The following LONP2 variants were observed in gnomAD, a reference collection of about 807,000 sequenced individuals.
LONP2 encodes the protein lon peptidase 2, peroxisomal, also known as lon protease homolog 2, peroxisomal.
LONP2 carries 60 observed loss-of-function variants against 85.6 expected under a neutral mutation model. The observed-to-expected ratio is 0.70, with a 90% CI of 0.57 to 0.87. The LOEUF (loss-of-function observed/expected upper bound fraction) is 0.87, where lower values mean the gene tolerates loss of function less well. Among genes scored for constraint, LONP2 ranks in the 40% least tolerant of loss-of-function variants. The pLI is 0.00. For synonymous variants in LONP2, 395 were observed against 389.7 expected (o/e 1.01, Z -0.16); for missense variants, 860 against 1,063.5 (o/e 0.81, Z 2.66).
chr16:48,258,827 C>T, intron 4 of LONP2, 87 bp downstream of exon 4: 2 of 1,231,402 alleles, frequency 1.6e-6, no homozygotes, highest in Non-Finnish European at 2.2e-6. Flanking sequence ...TTATTGTCTC[C>T]TACCACTCGC....
intron 11 of LONP2, among the ~76,000 whole-genome samples, chr16:48,309,978 G>T: frequency 6.6e-6 from 1 of 150,728 alleles, no homozygotes; most frequent in African/African-American, 2.4e-5. Flanking sequence ...TATTAATCTG[G>T]TACTCCAGTT....
At chr16:48,289,907 A>G (rs1375181990) in intron 8 of LONP2, among the ~76,000 whole-genome samples, 5 of 152,166 alleles carry the variant, frequency 3.3e-5, no homozygotes, top group African/African-American at 1.2e-4. Flanking sequence ...CATATCTTAT[A>G]TATATTACAT....
intron 3 of LONP2, among the ~76,000 whole-genome samples, chr16:48,257,369 A>G (rs1381040957): frequency 6.6e-6 from 1 of 152,108 alleles, no homozygotes; most frequent in Admixed American, 6.5e-5. Flanking sequence ...TTGATTCACT[A>G]TTTTTAAACG....
At position 48,315,425 on chromosome 16, in the gene LONP2, G is replaced by C. The variant is rs74017909; in HGVS notation, c.1795+12120G>C. 5.5e-3 allele frequency among the ~76,000 whole-genome samples: 841 copies of C among 152,318 alleles called. 6 individuals are homozygous for C. The highest frequency in any genetic ancestry group is 0.019 in the African/African-American group (790 of 41,568). Reference sequence around the variant, plus strand: ...GGAGGCTGAAGAGTCCAATGTCAAGGTGCCAGCTTCTGACAGGAACCTTCT... The same window carrying C: ...GGAGGCTGAAGAGTCCAATGTCAAGCTGCCAGCTTCTGACAGGAACCTTCT... On this transcript the variant is annotated intron_variant, in intron 11 of 14. Transcript: ENST00000285737.
chr16:48,280,579 C>CA (rs966276682), intron 8 of LONP2, among the ~76,000 whole-genome samples: 1 of 151,632 alleles, frequency 6.6e-6, no homozygotes, highest in African/African-American at 2.4e-5. Flanking sequence ...TATTAGCATT[C>CA]AAAAAAAAGG....
downstream of LONP2, among the ~76,000 whole-genome samples, chr16:48,359,118 G>A (rs1452877532): frequency 2.0e-5 from 3 of 152,022 alleles, no homozygotes; most frequent in Admixed American, 1.3e-4. Context: ...TTCCCTAATA[G>A]GGTGTGCCAT....
rs1971672936 is a variant in LONP2 at position 48,252,356 on chromosome 16, T to C, written c.459T>C (p.Tyr153=). Residue 153 remains tyrosine, a synonymous_variant, in exon 2 of 15, where the codon TAT becomes TAC. Coordinates refer to ENST00000285737, the MANE Select transcript of LONP2 (RefSeq NM_031490.5). ...LGELSEQFYK[Y]AVQLVEMLDM... ...AACTATCAGAGCAGTTTTACAAATATGCAGTACAAGTAAGTTGCTTTTATT... is the reference window on the plus strand; with the variant it reads ...AACTATCAGAGCAGTTTTACAAATACGCAGTACAAGTAAGTTGCTTTTATT... 4 of 1,595,610 alleles carry C rather than the reference T, an allele frequency of 2.5e-6. No individual in the cohort carries two copies. Among genetic ancestry groups the C allele is most frequent in the Non-Finnish European group, 3.4e-6 (4 of 1,171,662 alleles).
At chr16:48,341,470 C>T (rs1259058543) in intron 12 of LONP2, among the ~76,000 whole-genome samples, 1 of 152,030 alleles carries the variant, frequency 6.6e-6, no homozygotes, top group Non-Finnish European at 1.5e-5. Context: ...AAACAACCAC[C>T]TCCCACAAGA....
chr16:48,293,940 T>G (rs1411362285), intron 8 of LONP2, among the ~76,000 whole-genome samples: 2 of 152,156 alleles, frequency 1.3e-5, no homozygotes, highest in Non-Finnish European at 2.9e-5. Context: ...TGTTTGTTCA[T>G]TTGTTTGTTA....
chr16:48,296,027 G>A lies in LONP2; in HGVS notation c.1396G>A (p.Glu466Lys). The change falls in exon 9 of 15, where the codon GAA becomes AAA. Residue 466 changes from glutamate to lysine, a missense_variant. By Grantham distance (56) the Glu-to-Lys change is moderately conservative. Around this residue, in one of 3 missense-constraint regions of LONP2, gnomAD observed 743 missense variants for 917.3 expected, o/e 0.81. Coordinates refer to ENST00000285737, the MANE Select transcript of LONP2 (RefSeq NM_031490.5). ...TGTTCTCCCCTAGGTGTTGGATCCT[G>A]AACAAAACCATAACTTCACAGATCA... is the stretch of plus-strand genomic sequence containing the variant. ...AAALLEVLDP[E>K]QNHNFTDHYL... 1 of 1,614,052 alleles carries A rather than the reference G, an allele frequency of 6.2e-7. No homozygotes were observed. Among genetic ancestry groups the A allele is most frequent in the Non-Finnish European group, 8.5e-7 (1 of 1,180,000 alleles).
In LONP2 at chr16:48,355,713, C is replaced by T. The variant is rs758043066; in HGVS notation, c.*3911C>T. On this transcript the variant is annotated 3_prime_UTR_variant, in exon 15 of 15. Coordinates refer to ENST00000285737, the MANE Select transcript of LONP2 (RefSeq NM_031490.5). ...ATAATAGCCCTCCAAATGGGTGTGA[C>T]GTATTTTGATTCTATGTCCCTAATG... 3 of 152,108 alleles carry T rather than the reference C, an allele frequency of 2.0e-5. No homozygotes were observed. Among genetic ancestry groups the T allele is most frequent in the Non-Finnish European group, 4.4e-5 (3 of 68,016 alleles). The allele number at this position is 152,108 out of a possible 1,614,324, so 9.4% of individuals were successfully genotyped here.
rs377326002 is a variant in LONP2 at position 48,259,245 on chromosome 16, A to C, written c.723+505A>C. On this transcript the variant is annotated intron_variant, in intron 4 of 14. Transcript: ENST00000285737. ...TAAATATTCACTTTCCTTTCAGTTT[A>C]ATTTTAGTTGATTTTTTAAAAAGTA... 5.2e-4 allele frequency among the ~76,000 whole-genome samples: 79 copies of C among 152,246 alleles called. 2 individuals are homozygous for C. In the South Asian group the frequency reaches 0.016, roughly 31 times the overall value.
chr16:48,352,249 C>T lies in LONP2; in HGVS notation c.*447C>T, dbSNP rs1037263812. The T allele has an allele frequency of 2.4e-5, 4 of 165,950 alleles. No homozygotes were observed. Among genetic ancestry groups the T allele is most frequent in the African/African-American group, 9.6e-5 (4 of 41,692 alleles). 10.3% of individuals were successfully genotyped at this position (165,950 alleles called of 1,614,324 possible). A position where few individuals can be genotyped will look rare whatever the true frequency, so the allele number is the denominator to read the frequency against. On this transcript the variant is annotated 3_prime_UTR_variant, in exon 15 of 15. Coordinates refer to ENST00000285737, the MANE Select transcript of LONP2 (RefSeq NM_031490.5). ...CAGGAACCACCGGTATAGACCATTA[C>T]CTTAGTGGATTTACCTGTAGAGTTT...
At chr16:48,288,109 TAA>T (rs1223845709) in intron 8 of LONP2, among the ~76,000 whole-genome samples, 7 of 152,052 alleles carry the variant, frequency 4.6e-5, no homozygotes, top group Middle Eastern at 3.4e-3. Context: ...GCACCAGTAG[TAA>T]TATATATGTA....
chr16:48,253,984 A>AT (rs1555476184), intron 2 of LONP2, among the ~76,000 whole-genome samples: 3 of 152,066 alleles, frequency 2.0e-5, no homozygotes, highest in Non-Finnish European at 4.4e-5. Context: ...GTTATTTCCA[A>AT]TTATTCTCTT....
At chr16:48,270,860 G>C (rs1340691276) in intron 7 of LONP2, among the ~76,000 whole-genome samples, 1 of 152,170 alleles carries the variant, frequency 6.6e-6, no homozygotes, top group African/African-American at 2.4e-5. Context: ...GGGCACAGTG[G>C]CTCATGCCTG....
At chr16:48,317,576 A>G (rs75369906) in intron 11 of LONP2, among the ~76,000 whole-genome samples, 2,232 of 152,356 alleles carry the variant, frequency 0.015, 64 homozygotes, top group African/African-American at 0.052. Flanking sequence ...GTAGCCACCT[A>G]CTTTGACTGT....
chr16:48,287,412 T>TAACA (rs1254069478), intron 8 of LONP2, among the ~76,000 whole-genome samples: 1 of 152,280 alleles, frequency 6.6e-6, no homozygotes, highest in African/African-American at 2.4e-5. Flanking sequence ...TAGTCCCAAC[T>TAACA]AGTTTCATTG....
At position 48,296,150 on chromosome 16, in the gene LONP2, A is replaced by T; in HGVS notation, c.1519A>T (p.Ile507Phe). 6.2e-7 allele frequency: 1 copy of T among 1,614,072 alleles called. No homozygotes were observed. The highest frequency in any genetic ancestry group is 8.5e-7 in the Non-Finnish European group (1 of 1,180,006). The change falls in exon 9 of 15, where the codon ATC (isoleucine) becomes TTC (phenylalanine). Residue 507 changes from isoleucine to phenylalanine, a missense_variant. Ile to Phe is a conservative substitution (Grantham distance 21, BLOSUM62 0). Around this residue, in one of 3 missense-constraint regions of LONP2, gnomAD observed 743 missense variants for 917.3 expected, o/e 0.81. Coordinates refer to ENST00000285737, the MANE Select transcript of LONP2 (RefSeq NM_031490.5). Reference sequence around the variant, plus strand: ...AGCTGCCTTGTTGGACAGAATGGAGATCATTCAGGTTCCAGGTACCTGACT... The same window carrying T: ...AGCTGCCTTGTTGGACAGAATGGAGTTCATTCAGGTTCCAGGTACCTGACT... ...IPAALLDRMEIIQVPGYTQEE... is the reference protein window; with the variant it reads ...IPAALLDRMEFIQVPGYTQEE...
Sources: allele counts gnomAD v4.1 joint callset (sites outside exome capture counted in the v4.1 genomes callset), GRCh38; gene constraint gnomAD v4.1.1; regional missense constraint gnomAD v4.1.1; transcripts MANE v1.5; gene names NCBI Gene and HGNC (gene_info 2026-07-23, HGNC 2026-07-21).